Variants in DSE observed in about 807,000 individuals in gnomAD.
The protein encoded by DSE is dermatan-sulfate epimerase.
DSE carries 36 observed loss-of-function variants against 84.4 expected under a neutral mutation model. The observed-to-expected ratio is 0.43, with a 90% confidence interval of 0.33 to 0.56. The LOEUF is 0.56. Among genes scored for constraint, DSE ranks in the 20% least tolerant of loss-of-function variants. The pLI, the probability that DSE is intolerant of heterozygous loss-of-function variation, is 0.06. For missense variants in DSE, 862 were observed against 1,169.6 expected (o/e 0.74, Z 3.84); for synonymous variants, 410 against 430.1 (o/e 0.95, Z 0.58).
intron 2 of DSE, among the ~76,000 whole-genome samples, chr6:116,339,465 A>C (rs1195385990): frequency 6.6e-6 from 1 of 152,234 alleles, no homozygotes; most frequent in African/African-American, 2.4e-5. Context: ...TTATGAGCCA[A>C]GGAAAACCAT....
intron 2 of DSE, among the ~76,000 whole-genome samples, chr6:116,338,226 T>C (rs1777381292): frequency 7.1e-6 from 1 of 140,064 alleles, no homozygotes; most frequent in Non-Finnish European, 1.6e-5. Context: ...TTTCTTTTTT[T>C]TTTTTTTTTT....
chr6:116,258,813 G>T (rs1291423706), exon 2 of DSE: 8 of 1,608,394 alleles, frequency 5.0e-6, no homozygotes, highest in East Asian at 4.5e-5. Context: ...CTGTGAGCAG[G>T]TGTATGACCT....
intron 2 of DSE, among the ~76,000 whole-genome samples, chr6:116,347,453 C>A (rs1484025093): frequency 3.9e-5 from 6 of 152,086 alleles, no homozygotes; most frequent in Admixed American, 3.9e-4. Flanking sequence ...AGATATAGAC[C>A]AATGGAACAG....
chr6:116,273,663 GA>G (rs1393390410), intron 2 of DSE, among the ~76,000 whole-genome samples: 1 of 151,812 alleles, frequency 6.6e-6, no homozygotes, highest in Admixed American at 6.6e-5. Flanking sequence ...ATTTGCTGCA[GA>G]AAAAAAGGAA....
intron 2 of DSE, among the ~76,000 whole-genome samples, chr6:116,341,774 G>T (rs530020087): frequency 6.6e-6 from 1 of 152,094 alleles, no homozygotes; most frequent in Non-Finnish European, 1.5e-5. Flanking sequence ...TCTTATTTTT[G>T]TCAGGTTTGT....
At chr6:116,390,061 G>A (rs1027369052) in intron 1 of DSE, among the ~76,000 whole-genome samples, 3 of 151,184 alleles carry the variant, frequency 2.0e-5, no homozygotes, top group Non-Finnish European at 4.4e-5. Context: ...GCCTAACATA[G>A]TTCCAGGATT....
At chr6:116,283,458 TG>T (rs1457259013) in intron 2 of DSE, among the ~76,000 whole-genome samples, 1 of 152,242 alleles carries the variant, frequency 6.6e-6, no homozygotes, top group Non-Finnish European at 1.5e-5. Flanking sequence ...TCTCATGGGA[TG>T]GGAGCATAGT....
chr6:116,302,610 T>C (rs1225030677), intron 2 of DSE, among the ~76,000 whole-genome samples: 2 of 152,220 alleles, frequency 1.3e-5, no homozygotes, highest in Non-Finnish European at 2.9e-5. Flanking sequence ...ACTCTGATGA[T>C]AGTTTCTTTG....
At chr6:116,412,574 A>G (rs1782448262) in intron 2 of DSE, 1 of 152,226 alleles carries the variant, frequency 6.6e-6, no homozygotes, top group Non-Finnish European at 1.5e-5. Flanking sequence ...TTTACCCTCT[A>G]AGACAGTGGC....
intron 2 of DSE, among the ~76,000 whole-genome samples, chr6:116,357,140 C>A (rs1229258086): frequency 2.6e-5 from 4 of 152,168 alleles, no homozygotes; most frequent in Non-Finnish European, 5.9e-5. Context: ...TTTTCTCTGG[C>A]ATCCAGAGAA....
At chr6:116,423,827 A>T (rs1783251724) in intron 2 of DSE, among the ~76,000 whole-genome samples, 1 of 152,222 alleles carries the variant, frequency 6.6e-6, no homozygotes, top group South Asian at 2.1e-4. Flanking sequence ...CAGCTATTAC[A>T]GGTCAGCTTT....
chr6:116,360,251 C>T (rs1163073010), intron 2 of DSE, among the ~76,000 whole-genome samples: 1 of 152,096 alleles, frequency 6.6e-6, no homozygotes, highest in East Asian at 1.9e-4. Flanking sequence ...GGCTTAATAC[C>T]TAGGTGATGG....
intron 2 of DSE, chr6:116,423,094 C>G (rs368213724): frequency 1.3e-5 from 2 of 152,154 alleles, no homozygotes; most frequent in South Asian, 4.1e-4. Context: ...ACATTTATTT[C>G]TTTTCCCCCC....
At chr6:116,257,661 T>C (rs901575367) in intron 1 of DSE, among the ~76,000 whole-genome samples, 4 of 151,992 alleles carry the variant, frequency 2.6e-5, no homozygotes, top group African/African-American at 9.7e-5. Context: ...GTTTGTTGTT[T>C]TTTTGTGTTT....
chr6:116,404,598 C>T (rs1781796262), intron 2 of DSE, among the ~76,000 whole-genome samples: 1 of 152,210 alleles, frequency 6.6e-6, no homozygotes, highest in Non-Finnish European at 1.5e-5. Context: ...GTTATTCCTC[C>T]CACACAAGGT....
intron 2 of DSE, among the ~76,000 whole-genome samples, chr6:116,330,058 C>G (rs1776847189): frequency 6.6e-6 from 1 of 152,222 alleles, no homozygotes. Context: ...CTCCCAACCT[C>G]AGGTGATCCA....
intron 2 of DSE, among the ~76,000 whole-genome samples, chr6:116,337,176 T>A (rs559848646): frequency 9.9e-5 from 15 of 152,178 alleles, no homozygotes; most frequent in Admixed American, 7.9e-4. Context: ...AGAGCTCGTA[T>A]ATAGAGCTGA....
At chr6:116,289,736 A>G (rs1326124251) in intron 2 of DSE, among the ~76,000 whole-genome samples, 1 of 152,098 alleles carries the variant, frequency 6.6e-6, no homozygotes, top group Non-Finnish European at 1.5e-5. Context: ...TTCAATATGA[A>G]AAGTTCATAT....
intron 1 of DSE, among the ~76,000 whole-genome samples, chr6:116,388,042 A>G (rs1562273348): frequency 6.6e-6 from 1 of 152,218 alleles, no homozygotes; most frequent in Non-Finnish European, 1.5e-5. Flanking sequence ...CCAGAGAAAC[A>G]GAACCAGTAG....
Sources: allele counts gnomAD v4.1 joint callset (sites outside exome capture counted in the v4.1 genomes callset), GRCh38; gene constraint gnomAD v4.1.1; transcripts MANE v1.5; gene names NCBI Gene and HGNC (gene_info 2026-07-23, HGNC 2026-07-21).